The following AGO2 variants were observed in gnomAD, a reference collection of about 807,000 sequenced individuals.
AGO2 encodes the protein protein argonaute-2.
A neutral mutation model predicts 102.3 loss-of-function variants in AGO2; 5 were observed. The observed-to-expected ratio is 0.05, with a 90% confidence interval of 0.03 to 0.10. AGO2 has a LOEUF of 0.10. AGO2 is among the 10% of genes least tolerant of loss of function. The probability of loss-of-function intolerance (pLI) is 1.00; values close to 1 mark genes in which losing one functional copy is unlikely to be tolerated. For synonymous variants in AGO2, 449 were observed against 473.1 expected (o/e 0.95, Z 0.66); for missense variants, 541 against 1,183.7 (o/e 0.46, Z 7.97).
intron 1 of AGO2, among the ~76,000 whole-genome samples, chr8:140,631,207 G>A (rs2074336593): frequency 6.6e-6 from 1 of 152,208 alleles, no homozygotes. Flanking sequence ...AGAAAAAACG[G>A]AGGGGGAGGG....
chr8:140,577,273 A>C (rs2073481813), intron 2 of AGO2, among the ~76,000 whole-genome samples: 1 of 151,878 alleles, frequency 6.6e-6, no homozygotes, highest in African/African-American at 2.4e-5. Flanking sequence ...AGGAACAGGT[A>C]TACAATGATA....
At position 140,549,169 on chromosome 8, in the gene AGO2, C is replaced by A. The variant is rs60474948; in HGVS notation, c.1533G>T (p.Thr511=). Residue 511 remains threonine (T), a synonymous_variant, in exon 12 of 19, where the codon ACG becomes ACT. Coordinates refer to ENST00000220592, the MANE Select transcript of AGO2 (RefSeq NM_012154.5). ...VEPMFRHLKN[T]YAGLQLVVVI... Reference sequence around the variant, plus strand: ...CCACCACCAGCTGCAGGCCCGCATACGTGTTCTTCAGGTGCCGGAACATGG... The same window carrying A: ...CCACCACCAGCTGCAGGCCCGCATAAGTGTTCTTCAGGTGCCGGAACATGG... 1 of 1,613,462 alleles carries A rather than the reference C, an allele frequency of 6.2e-7. No homozygotes were observed. Among genetic ancestry groups the A allele is most frequent in the Admixed American group, 1.7e-5 (1 of 60,020 alleles).
chr8:140,614,391 A>G (rs956054830), intron 1 of AGO2, among the ~76,000 whole-genome samples: 1 of 152,220 alleles, frequency 6.6e-6, no homozygotes, highest in Non-Finnish European at 1.5e-5. Context: ...GTCCTAAGAA[A>G]AACACATTAA....
chr8:140,556,970 G>A (rs1388027050), intron 8 of AGO2, 119 bp downstream of exon 8: 6 of 1,393,626 alleles, frequency 4.3e-6, no homozygotes, highest in Non-Finnish European at 4.9e-6. Context: ...TCCTGCAGCA[G>A]CAGAGGCAGT....
intron 3 of AGO2, among the ~76,000 whole-genome samples, chr8:140,566,620 G>T (rs897930722): frequency 1.2e-3 from 183 of 146,762 alleles, no homozygotes; most frequent in African/African-American, 4.1e-3. Flanking sequence ...TTTTTTTTTG[G>T]GGGGGGGGAA....
intron 12 of AGO2, among the ~76,000 whole-genome samples, chr8:140,548,382 A>G (rs923416877): frequency 1.3e-5 from 2 of 151,768 alleles, no homozygotes; most frequent in Admixed American, 1.3e-4. Flanking sequence ...CCTGGCTGTA[A>G]GCAAATGCTT....
intron 10 of AGO2, among the ~76,000 whole-genome samples, chr8:140,552,728 A>ACGCGCGCGCG (rs71504805): frequency 9.7e-5 from 12 of 124,070 alleles, no homozygotes; most frequent in South Asian, 2.5e-4. Flanking sequence ...ACGCACATGC[A>ACGCGCGCGCG]CGCGCGCGCG....
chr8:140,621,759 G>C (rs1328218276), intron 1 of AGO2, among the ~76,000 whole-genome samples: 1 of 152,158 alleles, frequency 6.6e-6, no homozygotes, highest in Non-Finnish European at 1.5e-5. Flanking sequence ...GTTTAGTATG[G>C]TTCACTTTCT....
At chr8:140,627,916 C>A (rs1341797474) in intron 1 of AGO2, among the ~76,000 whole-genome samples, 1 of 152,184 alleles carries the variant, frequency 6.6e-6, no homozygotes, top group Non-Finnish European at 1.5e-5. Flanking sequence ...GGCTGCTGCC[C>A]CCACTGTCTC....
chr8:140,547,497 G>A lies in AGO2; in HGVS notation c.1719C>T (p.Gly573=), dbSNP rs774705348. Residue 573 remains glycine (G), a synonymous_variant, in exon 13 of 19, where the codon GGC becomes GGT. Coordinates refer to ENST00000220592, the MANE Select transcript of AGO2 (RefSeq NM_012154.5). The part of the protein sequence containing the change: ...LCLKINVKLG[G]VNNILLPQGR... ...CCTGGGGCAGCAGGATGTTGTTCAC[G>A]CCTCCCAGCTTGACGTTGATCTTCA... 6 of 1,613,966 alleles carry A rather than the reference G, an allele frequency of 3.7e-6. No individual in the cohort carries two copies. Among genetic ancestry groups the A allele is most frequent in the African/African-American group, 2.7e-5 (2 of 74,936 alleles).
intron 14 of AGO2, 44 bp downstream of exon 14, chr8:140,544,169 G>A (rs2132886860): frequency 6.5e-7 from 1 of 1,536,154 alleles, no homozygotes; most frequent in Non-Finnish European, 8.7e-7. Context: ...ACAGCGTCCT[G>A]CATGTTGTCA....
intron 1 of AGO2, among the ~76,000 whole-genome samples, chr8:140,604,727 T>G (rs1262451547): frequency 6.6e-6 from 1 of 151,558 alleles, no homozygotes; most frequent in Non-Finnish European, 1.5e-5. Context: ...CATGGGGGGC[T>G]GAGGCAGGAG....
At chr8:140,600,226 G>A (rs182844939) in intron 1 of AGO2, among the ~76,000 whole-genome samples, 1 of 152,364 alleles carries the variant, frequency 6.6e-6, no homozygotes, top group East Asian at 1.9e-4. Context: ...AACAAAAGCT[G>A]TAAGGCACAA....
rs1354103819 is a variant in AGO2, at chr8:140,589,819, G to A, written c.23-4508C>T. ...ATCAGCACGAGCCGCAGAACAGGAC[G>A]GAGTGATGGCTCAGTGAGTACAGAC... On this transcript the variant is annotated intron_variant, in intron 1 of 18. Coordinates refer to ENST00000220592, the MANE Select transcript of AGO2 (RefSeq NM_012154.5). This position sits in a 1 kb window ranked among gnomAD's most constrained non-coding sequence, Gnocchi z 4.2. Among the ~76,000 whole-genome samples, 6 of 151,850 alleles carry A rather than the reference G, an allele frequency of 4.0e-5. No homozygotes were observed. The South Asian group carries it at 8.3e-4, about 21-fold the overall frequency.
chr8:140,557,768 C>T lies in AGO2; in HGVS notation c.879-532G>A, dbSNP rs2073125363. Reference sequence around the variant, plus strand: ...TGTGGGGATGAGGGCACGGGGGCTGCTAGTGCAGGGCAAAGGGCCACGTGG... The same window carrying T: ...TGTGGGGATGAGGGCACGGGGGCTGTTAGTGCAGGGCAAAGGGCCACGTGG... On this transcript the variant is annotated intron_variant, in intron 7 of 18. Transcript: ENST00000220592. The surrounding 1 kb of genome is among the most constrained non-coding windows in gnomAD (Gnocchi z 5.9). Among the ~76,000 whole-genome samples the T allele has an allele frequency of 6.6e-6, 1 of 152,198 alleles. No homozygotes were observed. The highest frequency in any genetic ancestry group is 2.4e-5 in the African/African-American group (1 of 41,444).
At chr8:140,638,519 T>G (rs542225703), upstream of AGO2, among the ~76,000 whole-genome samples, 2 of 152,316 alleles carry the variant, frequency 1.3e-5, no homozygotes, top group South Asian at 4.1e-4. Flanking sequence ...CCGTGGAGCA[T>G]AATTTAGGAA....
chr8:140,546,154 G>A (rs2072896080), intron 13 of AGO2, among the ~76,000 whole-genome samples: 1 of 152,192 alleles, frequency 6.6e-6, no homozygotes, highest in Admixed American at 6.5e-5. Flanking sequence ...CTCTGGATTG[G>A]TCTTCGCTCA....
rs1441149218 is a variant in AGO2, at chr8:140,529,593, A to T, written c.*2451T>A. On this transcript the variant is annotated 3_prime_UTR_variant, in exon 19 of 19. Transcript: ENST00000220592. ...TGAAAGTTTTCCTTCAAAATGATTA[A>T]AAAAAACAAAAATTGTAGTCCTACT... is the stretch of plus-strand genomic sequence containing the variant. 1 of 152,124 alleles carries T rather than the reference A, an allele frequency of 6.6e-6. No homozygotes were observed. Among genetic ancestry groups the T allele is most frequent in the Non-Finnish European group, 1.5e-5 (1 of 68,036 alleles). The allele number at this position is 152,124 out of a possible 1,614,324, so 9.4% of individuals were successfully genotyped here. A position where few individuals can be genotyped will look rare whatever the true frequency, so the allele number is the denominator to read the frequency against.
chr8:140,640,920 T>A, the AGO2 span, among the ~76,000 whole-genome samples: 2 of 152,306 alleles, frequency 1.3e-5, no homozygotes, highest in South Asian at 4.1e-4. Flanking sequence ...TCCCAATGCA[T>A]CTTCTACAAA....
Sources: gnomAD v4.1 joint callset for allele counts (sites outside exome capture counted in the v4.1 genomes callset) on GRCh38, gnomAD v4.1.1 for gene constraint, Gnocchi (gnomAD v3.1) non-coding constraint, MANE v1.5 for transcripts, NCBI Gene and HGNC (gene_info 2026-07-23, HGNC 2026-07-21) for gene names.